BACH1: variants seen among roughly 807,000 people sequenced by gnomAD.
BACH1 encodes the protein transcription regulator protein BACH1.
A neutral mutation model predicts 52.9 loss-of-function variants in BACH1; 35 were observed. The ratio of observed to expected loss-of-function variants is 0.66; its 90% CI spans 0.51 to 0.88. The LOEUF (loss-of-function observed/expected upper bound fraction) is 0.88, where lower values mean the gene tolerates loss of function less well. BACH1 is among the 40% of genes least tolerant of loss of function. The probability of loss-of-function intolerance (pLI) is 0.00; values close to 1 mark genes in which losing one functional copy is unlikely to be tolerated. For missense variants in BACH1, 808 were observed against 872.6 expected (o/e 0.93, Z 0.93); for synonymous variants, 321 against 319.6 (o/e 1.00, Z -0.05).
At position 29,326,853 on chromosome 21, in the gene BACH1, A is replaced by G. The variant is rs1332145341; in HGVS notation, c.1029A>G (p.Thr343=). The change falls in exon 3 of 5, where the codon ACA becomes ACG. Residue 343 remains threonine, a synonymous_variant. Coordinates refer to ENST00000286800, the MANE Select transcript of BACH1 (RefSeq NM_001186.4). The part of the protein sequence containing the change: ...GDLNFAGMQN[T]TVLTEKPLSG... ...TGAATTTTGCTGGTATGCAAAACAC[A>G]ACAGTGTTAACAGAAAAGCCTTTGT... 7 of 1,614,196 alleles carry G rather than the reference A, an allele frequency of 4.3e-6. No individual in the cohort carries two copies. Among genetic ancestry groups the G allele is most frequent in the Non-Finnish European group, 5.9e-6 (7 of 1,180,030 alleles).
chr21:29,357,871 A>G (rs1242809219), intron 2 of BACH1, among the ~76,000 whole-genome samples: 3 of 152,202 alleles, frequency 2.0e-5, no homozygotes, highest in Non-Finnish European at 4.4e-5. Flanking sequence ...GGGACAACAA[A>G]TGGGTAACTC....
chr21:29,346,712 C>G (rs1232276784), downstream of BACH1, among the ~76,000 whole-genome samples: 3 of 152,184 alleles, frequency 2.0e-5, no homozygotes, highest in Admixed American at 2.0e-4. Flanking sequence ...ATTGAGAAAC[C>G]CTGACTAGAC....
chr21:29,335,364 A>G (rs2089032495), intron 4 of BACH1, among the ~76,000 whole-genome samples: 1 of 152,204 alleles, frequency 6.6e-6, no homozygotes, highest in Admixed American at 6.5e-5. Context: ...TATTAGTTGT[A>G]CTTTAAATAA....
At chr21:29,309,257 CAAAAA>C (rs3054257) in intron 1 of BACH1, among the ~76,000 whole-genome samples, 2 of 91,840 alleles carry the variant, frequency 2.2e-5, no homozygotes, top group African/African-American at 7.9e-5. Flanking sequence ...GACTCTGTCT[CAAAAA>C]AAAAAAAAAA....
intron 1 of BACH1, among the ~76,000 whole-genome samples, chr21:29,311,166 T>C (rs563844847): frequency 3.0e-4 from 45 of 152,358 alleles, no homozygotes; most frequent in Admixed American, 2.0e-3. Context: ...TTAAATAGTA[T>C]GTGTAACATC....
chr21:29,340,512 T>G (rs995553849), intron 4 of BACH1, among the ~76,000 whole-genome samples: 13 of 152,332 alleles, frequency 8.5e-5, no homozygotes, highest in African/African-American at 3.1e-4. Flanking sequence ...GTAATCTTCA[T>G]AGTATCTGTA....
rs1400877891 is a variant in BACH1, at chr21:29,344,719, T to G, written c.*1886T>G. ...CTCCATATAGGTATTTCTTTGATAC[T>G]TGTAATTTTAAATTTCAGCTTCACG... On this transcript the variant is annotated 3_prime_UTR_variant, in exon 5 of 5. Coordinates refer to ENST00000286800, the MANE Select transcript of BACH1 (RefSeq NM_001186.4). 6.6e-6 allele frequency: 1 copy of G among 152,456 alleles called. No homozygotes were observed. Among genetic ancestry groups the G allele is most frequent in the Non-Finnish European group, 1.5e-5 (1 of 68,018 alleles). The allele number at this position is 152,456 out of a possible 1,614,324, so 9.4% of individuals were successfully genotyped here.
chr21:29,358,774 G>GAAAGAA (rs1569028791), intron 2 of BACH1, among the ~76,000 whole-genome samples: 3 of 72,304 alleles, frequency 4.1e-5, no homozygotes, highest in Non-Finnish European at 8.6e-5. Flanking sequence ...GAAAAGAAAA[G>GAAAGAA]AAAGAAAGAA....
At chr21:29,332,638 C>T (rs954309455) in intron 4 of BACH1, among the ~76,000 whole-genome samples, 2 of 152,220 alleles carry the variant, frequency 1.3e-5, no homozygotes, top group Non-Finnish European at 2.9e-5. Flanking sequence ...TGTGCACCCG[C>T]TTCGCTCTCT....
intron 4 of BACH1, among the ~76,000 whole-genome samples, chr21:29,330,228 G>C (rs2088964515): frequency 6.6e-6 from 1 of 152,126 alleles, no homozygotes; most frequent in Admixed American, 6.5e-5. Context: ...GCAGTGGTGC[G>C]ATCTCGGCTC....
chr21:29,319,423 TC>T (rs928580750), intron 1 of BACH1, among the ~76,000 whole-genome samples: 4 of 151,852 alleles, frequency 2.6e-5, no homozygotes, highest in African/African-American at 9.7e-5. Flanking sequence ...GACTGTTTTT[TC>T]TGAGGTTGGG....
At chr21:29,312,308 A>G (rs1314399022) in intron 1 of BACH1, among the ~76,000 whole-genome samples, 2 of 152,120 alleles carry the variant, frequency 1.3e-5, no homozygotes, top group Admixed American at 1.3e-4. Flanking sequence ...TCTGCCCATT[A>G]GTTGCTCATC....
At chr21:29,300,994 A>C (rs1226160619) in intron 1 of BACH1, among the ~76,000 whole-genome samples, 1 of 152,242 alleles carries the variant, frequency 6.6e-6, no homozygotes, top group African/African-American at 2.4e-5. Flanking sequence ...AAAGGAGCAC[A>C]CAACCCAAAT....
intron 2 of BACH1, among the ~76,000 whole-genome samples, chr21:29,356,313 T>G (rs1293818537): frequency 6.6e-6 from 1 of 152,244 alleles, no homozygotes; most frequent in Non-Finnish European, 1.5e-5. Flanking sequence ...CTTGTAAGTT[T>G]GGGGTTTTAA....
chr21:29,336,280 A>C (rs2089042893), intron 4 of BACH1, among the ~76,000 whole-genome samples: 1 of 151,968 alleles, frequency 6.6e-6, no homozygotes, highest in East Asian at 1.9e-4. Flanking sequence ...CCATCCCTTT[A>C]CTTCCCGTAA....
chr21:29,345,349 G>A lies in BACH1; in HGVS notation c.*2516G>A, dbSNP rs571053589. 4.6e-5 allele frequency: 7 copies of A among 152,456 alleles called. No homozygotes were observed. Among genetic ancestry groups the A allele is most frequent in the African/African-American group, 1.7e-4 (7 of 41,558 alleles). 9.4% of individuals were successfully genotyped at this position (152,456 alleles called of 1,614,324 possible). A position where few individuals can be genotyped will look rare whatever the true frequency, so the allele number is the denominator to read the frequency against. On this transcript the variant is annotated 3_prime_UTR_variant, in exon 5 of 5. Transcript: ENST00000286800. Reference sequence around the variant, plus strand: ...ACAGGATTATGAGTATACAGTGTATGCCTTTTCCTTCATGCAGAATTTTGA... The same window carrying A: ...ACAGGATTATGAGTATACAGTGTATACCTTTTCCTTCATGCAGAATTTTGA...
intron 2 of BACH1, among the ~76,000 whole-genome samples, chr21:29,357,618 GCCA>G (rs2071207968): frequency 6.6e-6 from 1 of 152,100 alleles, no homozygotes; most frequent in Non-Finnish European, 1.5e-5. Flanking sequence ...CACTAAGATG[GCCA>G]CCGCCACAAC....
At chr21:29,322,179 C>T (rs947886944) in intron 2 of BACH1, among the ~76,000 whole-genome samples, 3 of 152,076 alleles carry the variant, frequency 2.0e-5, no homozygotes, top group East Asian at 1.9e-4. Flanking sequence ...CCTCCCATGA[C>T]GTGGCAATTG....
At chr21:29,307,359 AG>A (rs1437512420) in intron 1 of BACH1, among the ~76,000 whole-genome samples, 1 of 152,206 alleles carries the variant, frequency 6.6e-6, no homozygotes, top group Non-Finnish European at 1.5e-5. Context: ...TGTACATTGT[AG>A]AAAGATTAAA....
Sources: allele counts gnomAD v4.1 joint callset (sites outside exome capture counted in the v4.1 genomes callset), GRCh38; gene constraint gnomAD v4.1.1; transcripts MANE v1.5; gene names NCBI Gene and HGNC (gene_info 2026-07-23, HGNC 2026-07-21).